PCDH15: variants seen among roughly 807,000 people sequenced by gnomAD.
The protein encoded by PCDH15 is protocadherin-15.
PCDH15 carries 129 observed loss-of-function variants against 178.5 expected under a neutral mutation model. That is an observed-to-expected ratio of 0.72 (90% CI 0.63 to 0.84). The LOEUF (loss-of-function observed/expected upper bound fraction) is 0.84. Among genes scored for constraint, PCDH15 ranks in the 40% least tolerant of loss-of-function variants. The probability of loss-of-function intolerance (pLI) is 0.00; values close to 1 mark genes in which losing one functional copy is unlikely to be tolerated. For synonymous variants in PCDH15, 800 were observed against 732.0 expected, an observed-to-expected ratio of 1.09 and a Z score of -1.50; for missense variants, 2,230 against 2,099.9, an observed-to-expected ratio of 1.06 and a Z score of -1.21.
chr10:53,899,304 C>T (rs1465289591), intron 26 of PCDH15, among the ~76,000 whole-genome samples: 1 of 151,944 alleles, frequency 6.6e-6, no homozygotes, highest in Non-Finnish European at 1.5e-5. Flanking sequence ...AGGTATACCA[C>T]TTCAGAGCAG....
chr10:54,420,038 A>C (rs1178931002), intron 3 of PCDH15, among the ~76,000 whole-genome samples: 6 of 152,104 alleles, frequency 3.9e-5, no homozygotes, highest in Non-Finnish European at 5.9e-5. Flanking sequence ...AGAATTTCAC[A>C]CAGAAAAATC....
chr10:55,499,404 TACACAC>T (rs200878607), intron 2 of PCDH15, among the ~76,000 whole-genome samples: 10,257 of 136,286 alleles, frequency 0.075, 383 homozygotes, highest in Non-Finnish European at 0.077. Flanking sequence ...AGACTCTCCC[TACACAC>T]ACACACACAC....
At chr10:55,429,098 G>A (rs561170565) in intron 2 of PCDH15, among the ~76,000 whole-genome samples, 7 of 152,094 alleles carry the variant, frequency 4.6e-5, no homozygotes, top group Non-Finnish European at 8.8e-5. Flanking sequence ...GTTACAAACA[G>A]GCAATTATCC....
intron 2 of PCDH15, among the ~76,000 whole-genome samples, chr10:55,006,052 G>A (rs188651497): frequency 6.6e-6 from 1 of 151,982 alleles, no homozygotes; most frequent in Admixed American, 6.6e-5. Context: ...TTCAATCAGG[G>A]TAATTAACTT....
At chr10:55,331,289 T>C (rs1329643083) in intron 2 of PCDH15, among the ~76,000 whole-genome samples, 1 of 152,024 alleles carries the variant, frequency 6.6e-6, no homozygotes, top group Non-Finnish European at 1.5e-5. Context: ...TGATTTGTAG[T>C]ACTGTAGGTG....
At chr10:54,510,245 C>T (rs2081531436) in intron 3 of PCDH15, among the ~76,000 whole-genome samples, 2 of 152,184 alleles carry the variant, frequency 1.3e-5, no homozygotes, top group South Asian at 2.1e-4. Context: ...ATCAGCAGAA[C>T]TTTGAGCAGC....
intron 14 of PCDH15, among the ~76,000 whole-genome samples, chr10:54,133,446 C>A (rs7918436): frequency 0.07 from 10,580 of 152,076 alleles, 864 homozygotes; most frequent in African/African-American, 0.19. Context: ...TTATGGGCTG[C>A]GTTTTATCAG....
chr10:54,228,818 C>T (rs2053745125), intron 9 of PCDH15, among the ~76,000 whole-genome samples: 1 of 152,238 alleles, frequency 6.6e-6, no homozygotes, highest in East Asian at 1.9e-4. Flanking sequence ...AAATATTAGT[C>T]TCTTTTTGAA....
chr10:54,359,827 T>C (rs2134455670), intron 5 of PCDH15, among the ~76,000 whole-genome samples: 1 of 152,136 alleles, frequency 6.6e-6, no homozygotes, highest in South Asian at 2.1e-4. Flanking sequence ...AAAGAAAAGC[T>C]AAAATATTTA....
intron 3 of PCDH15, among the ~76,000 whole-genome samples, chr10:54,526,610 CTG>C (rs139397373): frequency 0.018 from 2,722 of 152,196 alleles, 78 homozygotes; most frequent in African/African-American, 0.061. Context: ...ATCATAATAA[CTG>C]TAACTCCATA....
chr10:55,051,466 T>C (rs1176510428), intron 2 of PCDH15, among the ~76,000 whole-genome samples: 1 of 152,222 alleles, frequency 6.6e-6, no homozygotes, highest in East Asian at 1.9e-4. Context: ...TCCATTTATT[T>C]GTACCAGGTA....
chr10:55,411,929 G>C (rs959074678), intron 2 of PCDH15, among the ~76,000 whole-genome samples: 4 of 151,968 alleles, frequency 2.6e-5, no homozygotes, highest in African/African-American at 9.7e-5. Flanking sequence ...ATAGATGCAA[G>C]GATATTATAT....
At chr10:55,075,531 A>G (rs1841866914) in intron 2 of PCDH15, among the ~76,000 whole-genome samples, 1 of 151,648 alleles carries the variant, frequency 6.6e-6, no homozygotes, top group Admixed American at 6.6e-5. Context: ...GTGTCCAGCT[A>G]ATTTTTGTAT....
intron 2 of PCDH15, among the ~76,000 whole-genome samples, chr10:55,582,194 A>AGT (rs1202583027): frequency 1.3e-5 from 2 of 152,156 alleles, no homozygotes; most frequent in Non-Finnish European, 2.9e-5. Context: ...CTGTGCAACC[A>AGT]ATCTAGAATC....
intron 2 of PCDH15, among the ~76,000 whole-genome samples, chr10:54,568,335 A>T (rs1333156830): frequency 6.6e-6 from 1 of 151,936 alleles, no homozygotes; most frequent in African/African-American, 2.4e-5. Context: ...ACTGTCTAAA[A>T]TAGCCCACCA....
intron 2 of PCDH15, among the ~76,000 whole-genome samples, chr10:55,364,643 T>G (rs561916051): frequency 9.7e-4 from 148 of 152,268 alleles, no homozygotes; most frequent in African/African-American, 2.1e-3. Context: ...TTCAGGCTCA[T>G]GTCTTCAATT....
intron 2 of PCDH15, among the ~76,000 whole-genome samples, chr10:54,570,729 T>A (rs191737718): frequency 9.9e-4 from 151 of 152,240 alleles, no homozygotes; most frequent in Middle Eastern, 3.4e-3. Context: ...CTCCTCTCAC[T>A]GCAACCTCGG....
chr10:54,471,335 G>A (rs1345830117), intron 3 of PCDH15, among the ~76,000 whole-genome samples: 2 of 152,096 alleles, frequency 1.3e-5, no homozygotes, highest in South Asian at 2.1e-4. Context: ...ATAAGTGGAT[G>A]CACAAAGCCC....
intron 5 of PCDH15, among the ~76,000 whole-genome samples, chr10:54,362,761 G>C (rs929351378): frequency 5.3e-5 from 8 of 150,712 alleles, no homozygotes; most frequent in African/African-American, 2.0e-4. Context: ...TGAAAAGTAG[G>C]GTAAAAAAAT....
Sources: gnomAD v4.1 joint callset for allele counts (sites outside exome capture counted in the v4.1 genomes callset) on GRCh38, gnomAD v4.1.1 for gene constraint, MANE v1.5 for transcripts, NCBI Gene and HGNC (gene_info 2026-07-23, HGNC 2026-07-21) for gene names.